ANKS1A: variants seen among roughly 807,000 people sequenced by gnomAD.
ANKS1A encodes ankyrin repeat and SAM domain-containing protein 1A.
A neutral mutation model predicts 120.3 loss-of-function variants in ANKS1A; 55 were observed. The ratio of observed to expected loss-of-function variants is 0.46; its 90% CI spans 0.37 to 0.57. The LOEUF (loss-of-function observed/expected upper bound fraction) is 0.57, where lower values mean the gene tolerates loss of function less well. ANKS1A is among the 20% of genes least tolerant of loss of function. The probability of loss-of-function intolerance (pLI) is 0.00; values close to 1 mark genes in which losing one functional copy is unlikely to be tolerated. For missense variants in ANKS1A, 1,123 were observed against 1,480.3 expected, an observed-to-expected ratio of 0.76 and a Z score of 3.96; for synonymous variants, 590 against 604.7, an observed-to-expected ratio of 0.98 and a Z score of 0.36.
chr6:34,933,653 T>A (rs1561856356), intron 1 of ANKS1A, among the ~76,000 whole-genome samples: 1 of 152,208 alleles, frequency 6.6e-6, no homozygotes. Context: ...TGTTTTTAAA[T>A]AAATTTATAC....
intron 13 of ANKS1A, among the ~76,000 whole-genome samples, chr6:35,070,314 C>T (rs1259145312): frequency 2.0e-5 from 3 of 152,018 alleles, no homozygotes; most frequent in Non-Finnish European, 2.9e-5. Context: ...CCTTTCCCAT[C>T]TCACCCCTTC....
At chr6:34,932,213 C>G (rs538338562) in intron 1 of ANKS1A, among the ~76,000 whole-genome samples, 1 of 152,324 alleles carries the variant, frequency 6.6e-6, no homozygotes, top group African/African-American at 2.4e-5. Context: ...GAGATGGAGT[C>G]TGGCTCTGTT....
chr6:34,898,955 A>G (rs1375071503), intron 1 of ANKS1A, among the ~76,000 whole-genome samples: 1 of 152,190 alleles, frequency 6.6e-6, no homozygotes, highest in Admixed American at 6.5e-5. Context: ...ATGAACATGC[A>G]TGTGGATAAG....
chr6:35,080,946 G>A (rs1777636524), intron 16 of ANKS1A, 48 bp from the exon 17 acceptor site: 1 of 1,588,330 alleles, frequency 6.3e-7, no homozygotes, highest in Non-Finnish European at 8.6e-7. Flanking sequence ...CTGTAGTCGG[G>A]CACTGGGCCG....
rs995106751 is a variant in ANKS1A, at chr6:35,029,827, T to A, written c.2010+11768T>A. On this transcript the variant is annotated intron_variant, in intron 11 of 23. Coordinates refer to ENST00000360359, the MANE Select transcript of ANKS1A (RefSeq NM_015245.3). Reference sequence around the variant, plus strand: ...TATATTATTTGATTACAAATCTATTTTTTATATATATATAGTTACATATTC... The same window carrying A: ...TATATTATTTGATTACAAATCTATTATTTATATATATATAGTTACATATTC... Among the ~76,000 whole-genome samples the A allele has an allele frequency of 1.8e-4, 26 of 147,934 alleles. 1 individual carries two copies. The highest frequency in any genetic ancestry group is 7.1e-3 in the Middle Eastern group (2 of 280).
Position 35,079,687 on chromosome 6 carries a change from G to A in ANKS1A, c.2436+19G>A. 1 of 1,614,034 alleles carries A rather than the reference G, an allele frequency of 6.2e-7. No individual in the cohort carries two copies. Among genetic ancestry groups the A allele is most frequent in the Non-Finnish European group, 8.5e-7 (1 of 1,179,976 alleles). On this transcript the variant is annotated intron_variant, in intron 15 of 23. Transcript: ENST00000360359. Reference sequence around the variant, plus strand: ...CGTCAATGTGAGTAGTCCCTGCGTGGCCCGGCCTGGACTCTCCAGAAGTCT... The same window carrying A: ...CGTCAATGTGAGTAGTCCCTGCGTGACCCGGCCTGGACTCTCCAGAAGTCT...
intron 1 of ANKS1A, among the ~76,000 whole-genome samples, chr6:34,948,682 G>T (rs1769922196): frequency 6.6e-6 from 1 of 152,062 alleles, no homozygotes; most frequent in Non-Finnish European, 1.5e-5. Context: ...CTAACCTCAA[G>T]CGTACCAAAA....
At chr6:35,074,048 G>A (rs1777214802) in intron 13 of ANKS1A, among the ~76,000 whole-genome samples, 1 of 152,232 alleles carries the variant, frequency 6.6e-6, no homozygotes, top group South Asian at 2.1e-4. Flanking sequence ...GTTCCTCAAA[G>A]CTGCACACAG....
rs1235938235 is a variant in ANKS1A, at chr6:34,945,989, T to TA, written c.198-21250_198-21249insA. On this transcript the variant is annotated intron_variant, in intron 1 of 23. Transcript: ENST00000360359. Reference sequence around the variant, plus strand: ...TTTATTTTTATTTTTATTTATTTTTTTTTTTTTTTGAGACAGAGTCTCACT... The same window carrying TA: ...TTTATTTTTATTTTTATTTATTTTTTATTTTTTTTTGAGACAGAGTCTCACT... 9.4e-4 allele frequency among the ~76,000 whole-genome samples: 140 copies of TA among 149,422 alleles called. 2 individuals carry two copies. The highest frequency in any genetic ancestry group is 4.2e-3 in the South Asian group (20 of 4,776).
intron 13 of ANKS1A, among the ~76,000 whole-genome samples, chr6:35,073,767 T>G (rs1301201456): frequency 6.6e-6 from 1 of 152,210 alleles, no homozygotes; most frequent in African/African-American, 2.4e-5. Flanking sequence ...AAATCTCTTT[T>G]CCCCCATGAC....
At position 35,044,288 on chromosome 6, in the gene ANKS1A, A is replaced by G. The variant is rs1166235660; in HGVS notation, c.2011-9811A>G. Among the ~76,000 whole-genome samples, 1 of 152,210 alleles carries G rather than the reference A, an allele frequency of 6.6e-6. No individual in the cohort carries two copies. Among genetic ancestry groups the G allele is most frequent in the East Asian group, 1.9e-4 (1 of 5,200 alleles). On this transcript the variant is annotated intron_variant, in intron 11 of 23. Coordinates refer to ENST00000360359, the MANE Select transcript of ANKS1A (RefSeq NM_015245.3). The surrounding 1 kb of genome is among the most constrained non-coding windows in gnomAD (Gnocchi z 4.4). ...GATCACTTAAGCGGAGGTCAATAAC[A>G]GGTTTGCCAGGTAGGTGTCGTTATC...
rs765601372 is a variant in ANKS1A, at chr6:34,916,376, G to GT, written c.197+26778dup. ...AGGATGAGACCAAGTCTCAACCACA[G>GT]TATACTTTTCAACAAATATTGCTAA... On this transcript the variant is annotated intron_variant, in intron 1 of 23. Coordinates refer to ENST00000360359, the MANE Select transcript of ANKS1A (RefSeq NM_015245.3). 3.9e-3 allele frequency among the ~76,000 whole-genome samples: 599 copies of GT among 152,270 alleles called. 1 individual carries two copies. The highest frequency in any genetic ancestry group is 0.018 in the South Asian group (88 of 4,822).
In ANKS1A at chr6:35,081,156, C is replaced by T; in HGVS notation, c.2707C>T (p.Gln903Ter). Reference sequence around the variant, plus strand: ...CTCCCGAGCGGAGCGCTTCAGGATCCAGGTGGGGCAGGGGGAGTGGAGGTG... The same window carrying T: ...CTCCCGAGCGGAGCGCTTCAGGATCTAGGTGGGGCAGGGGGAGTGGAGGTG... ...APSRAERFRI[Q>*]EEHREAKLTL... is the part of the protein sequence containing the mutation. The change falls in exon 17 of 24, where the codon CAG becomes TAG. Residue 903 changes from glutamine (Q) to a stop codon, truncating the protein, a stop_gained and splice_region_variant. Transcript: ENST00000360359. LOFTEE classifies it high-confidence loss of function. 2 of 1,607,214 alleles carry T rather than the reference C, an allele frequency of 1.2e-6. No homozygotes were observed. Among genetic ancestry groups the T allele is most frequent in the Non-Finnish European group, 1.7e-6 (2 of 1,176,842 alleles).
chr6:35,043,078 AG>A (rs1454328544), intron 11 of ANKS1A, among the ~76,000 whole-genome samples: 1 of 152,138 alleles, frequency 6.6e-6, no homozygotes, highest in Non-Finnish European at 1.5e-5. Context: ...CTGTCAGGGT[AG>A]GTAGGAGGAC....
chr6:35,079,587 G>A lies in ANKS1A; in HGVS notation c.2355G>A (p.Gln785=). Residue 785 remains glutamine, a synonymous_variant, in exon 15 of 24, where the codon CAG becomes CAA. Transcript: ENST00000360359. The part of the protein sequence containing the change: ...VPSWLDSLGL[Q]DYVHSFLSSG... ...CCTGGCTGGACTCCCTGGGGCTGCA[G>A]GACTACGTCCATTCCTTCTTGTCAA... 1 of 1,614,194 alleles carries A rather than the reference G, an allele frequency of 6.2e-7. No individual in the cohort carries two copies. Among genetic ancestry groups the A allele is most frequent in the Non-Finnish European group, 8.5e-7 (1 of 1,180,022 alleles).
At chr6:35,088,445 G>A (rs1778113575) in intron 23 of ANKS1A, among the ~76,000 whole-genome samples, 161 bp from the exon 24 acceptor site, 1 of 152,186 alleles carries the variant, frequency 6.6e-6, no homozygotes, top group African/African-American at 2.4e-5. Flanking sequence ...CAGAGGCAGT[G>A]GGGGCTGCAG....
At chr6:34,909,341 T>C (rs1032895830) in intron 1 of ANKS1A, among the ~76,000 whole-genome samples, 2 of 152,214 alleles carry the variant, frequency 1.3e-5, no homozygotes, top group African/African-American at 2.4e-5. Context: ...TCAGTGTTTT[T>C]TCCATTGCGC....
intron 1 of ANKS1A, among the ~76,000 whole-genome samples, chr6:34,921,955 C>G (rs1768453464): frequency 6.6e-6 from 1 of 151,814 alleles, no homozygotes; most frequent in South Asian, 2.1e-4. Flanking sequence ...CTCAGCCTCT[C>G]AAGGTACTGG....
At chr6:35,041,462 A>T (rs1775453692) in intron 11 of ANKS1A, among the ~76,000 whole-genome samples, 1 of 152,140 alleles carries the variant, frequency 6.6e-6, no homozygotes, top group Admixed American at 6.6e-5. Context: ...CTCTCCCTTC[A>T]TGCCACTTTT....
Sources: gnomAD v4.1 joint callset for allele counts (sites outside exome capture counted in the v4.1 genomes callset) on GRCh38, gnomAD v4.1.1 for gene constraint, Gnocchi (gnomAD v3.1) non-coding constraint, MANE v1.5 for transcripts, NCBI Gene and HGNC (gene_info 2026-07-23, HGNC 2026-07-21) for gene names.